The following LTN1 variants were observed in gnomAD, a reference collection of about 807,000 sequenced individuals.
The protein encoded by LTN1 is listerin E3 ubiquitin protein ligase 1.
A neutral mutation model predicts 201.2 loss-of-function variants in LTN1; 88 were observed. The observed-to-expected ratio is 0.44, with a 90% CI of 0.37 to 0.52. The LOEUF (loss-of-function observed/expected upper bound fraction) is 0.52, where lower values mean the gene tolerates loss of function less well. Among genes scored for constraint, LTN1 ranks in the 20% least tolerant of loss-of-function variants. The pLI, the probability that LTN1 is intolerant of heterozygous loss-of-function variation, is 0.00. For synonymous variants in LTN1, 645 were observed against 713.5 expected (o/e 0.90, Z 1.53); for missense variants, 1,752 against 2,038.7 (o/e 0.86, Z 2.71).
chr21:28,964,229 T>G (rs181110705), intron 11 of LTN1, among the ~76,000 whole-genome samples: 1 of 152,190 alleles, frequency 6.6e-6, no homozygotes, highest in Non-Finnish European at 1.5e-5. Context: ...AAATCTTTCA[T>G]GAAAGGAAGA....
At chr21:28,973,068 C>G (rs2084587658) in intron 6 of LTN1, among the ~76,000 whole-genome samples, 1 of 152,042 alleles carries the variant, frequency 6.6e-6, no homozygotes, top group Admixed American at 6.6e-5. Flanking sequence ...AGGATGAAGG[C>G]CGGGCATGGT....
At chr21:28,977,329 A>T (rs987791345) in intron 6 of LTN1, among the ~76,000 whole-genome samples, 1 of 142,700 alleles carries the variant, frequency 7.0e-6, no homozygotes, top group Non-Finnish European at 1.5e-5. Context: ...AGCTGAGATC[A>T]TGACGCTGCA....
chr21:28,972,937 T>G (rs986100479), intron 6 of LTN1, among the ~76,000 whole-genome samples: 13 of 152,110 alleles, frequency 8.5e-5, no homozygotes, highest in Admixed American at 2.0e-4. Flanking sequence ...AGAAGGACAA[T>G]AAGACTGATA....
rs79826165 is a variant in LTN1 at position 28,933,509 on chromosome 21, C to T, written c.4876-845G>A. On this transcript the variant is annotated intron_variant, in intron 27 of 29. Coordinates refer to ENST00000361371, the MANE Select transcript of LTN1 (RefSeq NM_015565.3). ...ACCACTTTAGACCGTTATTTGAGGC[C>T]CTTCCCAACATACCTCTTATTCACC... 6.6e-5 allele frequency among the ~76,000 whole-genome samples: 10 copies of T among 152,232 alleles called. No individual in the cohort carries two copies. In the East Asian group the frequency reaches 1.7e-3, roughly 26 times the overall value.
chr21:28,990,334 C>T (rs1361208254), intron 1 of LTN1, among the ~76,000 whole-genome samples: 4 of 152,194 alleles, frequency 2.6e-5, no homozygotes, highest in Admixed American at 6.5e-5. Flanking sequence ...TCCACAACTT[C>T]CTGGCTACAT....
chr21:28,945,297 T>A (rs1349278485), intron 21 of LTN1, among the ~76,000 whole-genome samples: 2 of 152,150 alleles, frequency 1.3e-5, no homozygotes, highest in Admixed American at 6.6e-5. Context: ...CTAAGTCACA[T>A]AGCTAATAGC....
chr21:28,952,991 T>C (rs2084395024), intron 17 of LTN1, among the ~76,000 whole-genome samples: 1 of 152,214 alleles, frequency 6.6e-6, no homozygotes. Flanking sequence ...CTGACCCTTG[T>C]ATGTATTTAT....
At chr21:28,943,935 T>A in intron 22 of LTN1, 31 bp from the exon 23 acceptor site, 1 of 1,374,936 alleles carries the variant, frequency 7.3e-7, no homozygotes, top group East Asian at 2.3e-5. Flanking sequence ...AACATGCACG[T>A]CTCAAAAGAA....
intron 13 of LTN1, among the ~76,000 whole-genome samples, chr21:28,959,234 C>A (rs1244584018): frequency 6.6e-6 from 1 of 152,162 alleles, no homozygotes; most frequent in African/African-American, 2.4e-5. Flanking sequence ...ATGGCTCATT[C>A]CAAATTTCTT....
rs373653600 is a variant in LTN1 at position 28,958,138 on chromosome 21, T to C, written c.2747+248A>G. On this transcript the variant is annotated intron_variant, in intron 14 of 29. Coordinates refer to ENST00000361371, the MANE Select transcript of LTN1 (RefSeq NM_015565.3). ...TTTTCATAAGAGTCCTGTAGATTTGTTACCTAACAAGTCACTTTTCATTTC... is the reference window on the plus strand; with the variant it reads ...TTTTCATAAGAGTCCTGTAGATTTGCTACCTAACAAGTCACTTTTCATTTC... Among the ~76,000 whole-genome samples, 274 of 152,330 alleles carry C rather than the reference T, an allele frequency of 1.8e-3. 4 individuals are homozygous for C. The highest frequency in any genetic ancestry group is 6.0e-3 in the African/African-American group (249 of 41,582).
chr21:28,969,357 A>G, intron 9 of LTN1, 109 bp downstream of exon 9: 1 of 911,050 alleles, frequency 1.1e-6, no homozygotes, highest in South Asian at 2.4e-5. Context: ...TTATAAAAAT[A>G]AAATTTTTAC....
At position 28,941,297 on chromosome 21, in the gene LTN1, CA is replaced by C; in HGVS notation, c.4404del (p.Ser1468ArgfsTer16). The C allele has an allele frequency of 6.2e-7, 1 of 1,613,310 alleles. No homozygotes were observed. Among genetic ancestry groups the C allele is most frequent in the Non-Finnish European group, 8.5e-7 (1 of 1,179,484 alleles). ...VGQIVTIKPL[S>X]EDFCYVLGYL... ...TATCCCAGAACATAACAGAAGTCTT[CA>C]CTCAGTGGTTTAATAGTAACTATCT... On this transcript the variant is annotated frameshift_variant, in exon 25 of 30. Coordinates refer to ENST00000361371, the MANE Select transcript of LTN1 (RefSeq NM_015565.3). LOFTEE classifies it high-confidence loss of function.
At chr21:28,985,037 A>T in intron 3 of LTN1, 115 bp from the exon 4 acceptor site, 1 of 618,784 alleles carries the variant, frequency 1.6e-6, no homozygotes, top group South Asian at 2.4e-5. Context: ...TATTAAGCTA[A>T]ACTGAAATCA....
chr21:28,982,185 C>A, intron 5 of LTN1, 131 bp downstream of exon 5: 3 of 713,368 alleles, frequency 4.2e-6, no homozygotes, highest in South Asian at 3.5e-5. Context: ...CCACTGCAAT[C>A]CAGCCTGGGT....
chr21:28,952,062 T>C (rs2084386982), intron 18 of LTN1, 98 bp downstream of exon 18: 1 of 642,418 alleles, frequency 1.6e-6, no homozygotes. Context: ...TTCCTAAACC[T>C]GTTTTCTTGA....
chr21:28,983,199 T>G (rs189392862), intron 4 of LTN1, among the ~76,000 whole-genome samples: 51 of 152,336 alleles, frequency 3.3e-4, no homozygotes, highest in Admixed American at 1.8e-3. Context: ...AACTGTAACA[T>G]AGCCAACTAA....
In LTN1 at chr21:28,966,884, T is replaced by C. The variant is rs747943059; in HGVS notation, c.1607A>G (p.Asn536Ser). ...KSSLKSSKKK[N>S]GKVRFADEIL... ...CTCATCAGCAAATCTAACCTTACCA[T>C]TTTTTTTTTTACTTGACTTCAATGA... Residue 536 changes from asparagine (N) to serine (S), a missense_variant, in exon 10 of 30, where the codon AAT becomes AGT. By Grantham distance (46) the Asn-to-Ser change is conservative. Coordinates refer to ENST00000361371, the MANE Select transcript of LTN1 (RefSeq NM_015565.3). 2.8e-5 allele frequency: 20 copies of C among 707,068 alleles called. No homozygotes were observed. Among genetic ancestry groups the C allele is most frequent in the African/African-American group, 5.7e-5 (3 of 52,464 alleles). 43.8% of individuals were successfully genotyped at this position (707,068 alleles called of 1,614,324 possible). A position where few individuals can be genotyped will look rare whatever the true frequency, so the allele number is the denominator to read the frequency against.
intron 25 of LTN1, among the ~76,000 whole-genome samples, chr21:28,938,741 C>G (rs2084275443): frequency 6.6e-6 from 1 of 151,978 alleles, no homozygotes; most frequent in Admixed American, 6.6e-5. Flanking sequence ...ATTATTCAGC[C>G]ACAAAAATAA....
rs768802582 is a variant in LTN1 at position 28,935,096 on chromosome 21, A to G, written c.4875+13T>C. Reference sequence around the variant, plus strand: ...AAAACAACTTTTCTAGAGAAAGTCAAGACAATACTAACCGTCATGCCATTA... The same window carrying G: ...AAAACAACTTTTCTAGAGAAAGTCAGGACAATACTAACCGTCATGCCATTA... On this transcript the variant is annotated intron_variant, in intron 27 of 29. Coordinates refer to ENST00000361371, the MANE Select transcript of LTN1 (RefSeq NM_015565.3). The G allele has an allele frequency of 1.9e-5, 29 of 1,555,682 alleles. No homozygotes were observed. In the East Asian group the frequency reaches 2.0e-4, roughly 11 times the overall value.
Sources: allele counts gnomAD v4.1 joint callset (sites outside exome capture counted in the v4.1 genomes callset), GRCh38; gene constraint gnomAD v4.1.1; transcripts MANE v1.5; gene names NCBI Gene and HGNC (gene_info 2026-07-23, HGNC 2026-07-21).